The following COLEC12 variants were observed in gnomAD, a reference collection of about 807,000 sequenced individuals.
COLEC12 encodes collectin subfamily member 12.
COLEC12 carries 33 observed loss-of-function variants against 71.1 expected under a neutral mutation model. That is an observed-to-expected ratio of 0.46 (90% CI 0.35 to 0.62). The LOEUF (loss-of-function observed/expected upper bound fraction) is 0.62, where lower values mean the gene tolerates loss of function less well. Among genes scored for constraint, COLEC12 ranks in the 20% least tolerant of loss-of-function variants. COLEC12 has a pLI of 0.00. For synonymous variants in COLEC12, 350 were observed against 353.0 expected (o/e 0.99, Z 0.10); for missense variants, 765 against 916.1 (o/e 0.84, Z 2.13).
intron 2 of COLEC12, among the ~76,000 whole-genome samples, chr18:457,051 C>T (rs535544239): frequency 2.6e-5 from 4 of 152,298 alleles, no homozygotes; most frequent in East Asian, 3.9e-4. Flanking sequence ...TTCACATTCC[C>T]GAGGGTTTTC....
intron 1 of COLEC12, among the ~76,000 whole-genome samples, chr18:491,582 C>T (rs73358585): frequency 0.011 from 1,691 of 152,302 alleles, 35 homozygotes; most frequent in African/African-American, 0.039. Flanking sequence ...GTAAAAGCTA[C>T]TATGCCTTAA....
At chr18:430,617 C>G (rs1248636035) in intron 2 of COLEC12, among the ~76,000 whole-genome samples, 2 of 152,080 alleles carry the variant, frequency 1.3e-5, no homozygotes, top group African/African-American at 4.8e-5. Flanking sequence ...TAAATCCAGC[C>G]TACTATCTAA....
intron 2 of COLEC12, among the ~76,000 whole-genome samples, chr18:391,499 G>A (rs554146764): frequency 6.6e-6 from 1 of 152,104 alleles, no homozygotes; most frequent in Admixed American, 6.5e-5. Flanking sequence ...ATAAATTGGG[G>A]GTTTTTGTTG....
intron 2 of COLEC12, among the ~76,000 whole-genome samples, chr18:474,293 G>A (rs937221022): frequency 1.3e-5 from 2 of 152,220 alleles, no homozygotes; most frequent in Non-Finnish European, 2.9e-5. Context: ...GTTTCTGGGG[G>A]AATTCAATGA....
chr18:340,814 C>T lies in COLEC12; in HGVS notation c.1327+5481G>A, dbSNP rs540593650. On this transcript the variant is annotated intron_variant, in intron 5 of 9. Transcript: ENST00000400256. ...TGCCTACCATAGGAAAAAGTCATTG[C>T]GCTTCACTGAGGTGAAAAGGAATGT... 3.7e-4 allele frequency among the ~76,000 whole-genome samples: 56 copies of T among 152,318 alleles called. 1 individual carries two copies. The highest frequency in any genetic ancestry group is 1.3e-3 in the African/African-American group (54 of 41,566).
chr18:448,155 C>T (rs1306153407), intron 2 of COLEC12, among the ~76,000 whole-genome samples: 3 of 152,248 alleles, frequency 2.0e-5, no homozygotes, highest in African/African-American at 4.8e-5. Context: ...CTTTGTGTCT[C>T]TCTTGAAAAT....
intron 3 of COLEC12, among the ~76,000 whole-genome samples, chr18:356,423 C>T (rs758056815): frequency 1.3e-5 from 2 of 152,148 alleles, no homozygotes; most frequent in Non-Finnish European, 2.9e-5. Flanking sequence ...TGAACTTGGA[C>T]TGTCTGGCCC....
At position 500,433 on chromosome 18, in the gene COLEC12, C is replaced by G. The variant is rs2143805943; in HGVS notation, c.7+75G>C. On this transcript the variant is annotated intron_variant, in intron 1 of 9. Coordinates refer to ENST00000400256, the MANE Select transcript of COLEC12 (RefSeq NM_130386.3). This position sits in a 1 kb window ranked among gnomAD's most constrained non-coding sequence, Gnocchi z 5.3. ...CCCAAGGGAAGGTTCGCGCGGGAGG[C>G]ACCTCCGTGGCCTCCCGCGCGCCCC... The G allele has an allele frequency of 6.8e-6, 7 of 1,027,346 alleles. No individual in the cohort carries two copies. Among genetic ancestry groups the G allele is most frequent in the East Asian group, 7.5e-5 (2 of 26,734 alleles). The allele number at this position is 1,027,346 out of a possible 1,614,324, so 63.6% of individuals were successfully genotyped here.
At position 335,157 on chromosome 18, in the gene COLEC12, T is replaced by A; in HGVS notation, c.1401A>T (p.Gly467=). 6.2e-7 allele frequency: 1 copy of A among 1,612,436 alleles called. No homozygotes were observed. The change falls in exon 6 of 10, where the codon GGA becomes GGT. Residue 467 remains glycine, a synonymous_variant. Transcript: ENST00000400256. ...QGPPGPTGNK[G]QKGEKGEPGP... Reference sequence around the variant, plus strand: ...CAGGCTCCCCCTTCTCTCCTTTCTGTCCCTTGTTGCCAGTTGGGCCAGGGG... The same window carrying A: ...CAGGCTCCCCCTTCTCTCCTTTCTGACCCTTGTTGCCAGTTGGGCCAGGGG...
intron 2 of COLEC12, among the ~76,000 whole-genome samples, chr18:430,895 T>C (rs909778187): frequency 6.6e-6 from 1 of 152,268 alleles, no homozygotes; most frequent in Non-Finnish European, 1.5e-5. Flanking sequence ...TCCATGATTA[T>C]ACTTATCAAT....
rs1371073422 is a variant in COLEC12, at chr18:318,003, G to A, written c.*2042C>T. 2 of 150,026 alleles carry A rather than the reference G, an allele frequency of 1.3e-5. No homozygotes were observed. Among genetic ancestry groups the A allele is most frequent in the African/African-American group, 4.9e-5 (2 of 40,892 alleles). The allele number at this position is 150,026 out of a possible 1,614,324, so 9.3% of individuals were successfully genotyped here. A position where few individuals can be genotyped will look rare whatever the true frequency, so the allele number is the denominator to read the frequency against. ...TTTTTTTTTTTTCTTTTTGAGATGAGTCTCGCTCTGTCGCCCAGGCTGGAG... is the reference window on the plus strand; with the variant it reads ...TTTTTTTTTTTTCTTTTTGAGATGAATCTCGCTCTGTCGCCCAGGCTGGAG... On this transcript the variant is annotated 3_prime_UTR_variant, in exon 10 of 10. Coordinates refer to ENST00000400256, the MANE Select transcript of COLEC12 (RefSeq NM_130386.3).
In COLEC12 at chr18:381,424, TC is replaced by T. The variant is rs1915229458; in HGVS notation, c.59-23903del. Among the ~76,000 whole-genome samples, 3 of 152,146 alleles carry T rather than the reference TC, an allele frequency of 2.0e-5. No individual in the cohort carries two copies. In the South Asian group the frequency reaches 6.2e-4, roughly 32 times the overall value. On this transcript the variant is annotated intron_variant, in intron 2 of 9. Coordinates refer to ENST00000400256, the MANE Select transcript of COLEC12 (RefSeq NM_130386.3). The stretch of plus-strand genomic sequence containing the variant: ...GATCATTATACACTGCATACATGTA[TC>T]AAAATATCACACTGTACCCCATCAA...
At chr18:375,663 C>T (rs1443884796) in intron 2 of COLEC12, among the ~76,000 whole-genome samples, 1 of 152,116 alleles carries the variant, frequency 6.6e-6, no homozygotes, top group Non-Finnish European at 1.5e-5. Context: ...ACACTTAGCT[C>T]TGTTTATTTT....
Position 362,781 on chromosome 18 carries a change from G to A in COLEC12, c.59-5259C>T, listed in dbSNP as rs976785670. Among the ~76,000 whole-genome samples the A allele has an allele frequency of 6.6e-6, 1 of 152,152 alleles. No individual in the cohort carries two copies. Among genetic ancestry groups the A allele is most frequent in the Non-Finnish European group, 1.5e-5 (1 of 68,032 alleles). On this transcript the variant is annotated intron_variant, in intron 2 of 9. Transcript: ENST00000400256. The surrounding 1 kb of genome is among the most constrained non-coding windows in gnomAD (Gnocchi z 4.6). ...GGACCTGAAGGGTGCATGCCTTTCC[G>A]CTGCTTTTCCCTCTTGAACTATCTC...
Position 462,596 on chromosome 18 carries a change from G to T in COLEC12, c.58+18111C>A, listed in dbSNP as rs889006501. Reference sequence around the variant, plus strand: ...TGGATGGATGAAAATGTTCTAAATTGATGGTGGTAGTTGCACACCTCTGGA... The same window carrying T: ...TGGATGGATGAAAATGTTCTAAATTTATGGTGGTAGTTGCACACCTCTGGA... On this transcript the variant is annotated intron_variant, in intron 2 of 9. Transcript: ENST00000400256. 2.6e-5 allele frequency among the ~76,000 whole-genome samples: 4 copies of T among 152,306 alleles called. No homozygotes were observed. In the South Asian group the frequency reaches 6.2e-4, roughly 24 times the overall value.
At chr18:409,007 AT>A (rs35512087) in intron 2 of COLEC12, among the ~76,000 whole-genome samples, 1 of 149,978 alleles carries the variant, frequency 6.7e-6, no homozygotes, top group Non-Finnish European at 1.5e-5. Context: ...TAAATTTTGT[AT>A]TTTTTTTTGG....
In COLEC12 at chr18:500,215, G is replaced by T. The variant is rs548827870; in HGVS notation, c.7+293C>A. On this transcript the variant is annotated intron_variant, in intron 1 of 9. Transcript: ENST00000400256. This position sits in a 1 kb window ranked among gnomAD's most constrained non-coding sequence, Gnocchi z 5.3. Reference sequence around the variant, plus strand: ...GCAGGTTTTTTCAATTAAAAAGTTGGAAACGGGAATCCGTAAACAACGACT... The same window carrying T: ...GCAGGTTTTTTCAATTAAAAAGTTGTAAACGGGAATCCGTAAACAACGACT... Among the ~76,000 whole-genome samples the T allele has an allele frequency of 2.6e-5, 4 of 152,318 alleles. No homozygotes were observed. The highest frequency in any genetic ancestry group is 9.6e-5 in the African/African-American group (4 of 41,586).
intron 2 of COLEC12, among the ~76,000 whole-genome samples, chr18:463,598 C>A (rs898083552): frequency 3.9e-5 from 6 of 152,110 alleles, no homozygotes; most frequent in African/African-American, 1.4e-4. Flanking sequence ...CGGCTCTGTT[C>A]TCTCCCCACC....
chr18:346,449 G>A lies in COLEC12; in HGVS notation c.1173C>T (p.Asn391=). ...DLTSLNNTLA[N]IRLDSVSLRM... ...TGAGAGAAACAGAATCCAAACGGAT[G>A]TTGGCCAGGGTATTATTCAAGGAGG... Residue 391 remains asparagine, a synonymous_variant, in exon 5 of 10, where the codon AAC becomes AAT. Coordinates refer to ENST00000400256, the MANE Select transcript of COLEC12 (RefSeq NM_130386.3). The surrounding 1 kb of genome is among the most constrained non-coding windows in gnomAD (Gnocchi z 4.0). 6.2e-7 allele frequency: 1 copy of A among 1,614,196 alleles called. No individual in the cohort carries two copies. The highest frequency in any genetic ancestry group is 8.5e-7 in the Non-Finnish European group (1 of 1,180,032).
Sources: allele counts gnomAD v4.1 joint callset (sites outside exome capture counted in the v4.1 genomes callset), GRCh38; gene constraint gnomAD v4.1.1; non-coding constraint Gnocchi (gnomAD v3.1); transcripts MANE v1.5; gene names NCBI Gene and HGNC (gene_info 2026-07-23, HGNC 2026-07-21).